The following PDE7B variants were observed in gnomAD, a reference collection of about 807,000 sequenced individuals.
PDE7B encodes phosphodiesterase 7B, also known as 3',5'-cyclic-AMP phosphodiesterase 7B.
Under a neutral mutation model 56.2 loss-of-function variants are expected in PDE7B, and 29 were observed. That is an observed-to-expected ratio of 0.52 (90% CI 0.38 to 0.70). The LOEUF is 0.70. PDE7B is among the 30% of genes least tolerant of loss of function. The probability of loss-of-function intolerance (pLI) is 0.00; values close to 1 mark genes in which losing one functional copy is unlikely to be tolerated. For synonymous variants in PDE7B, 197 were observed against 196.9 expected, an observed-to-expected ratio of 1.00 and a Z score of 0.00; for missense variants, 490 against 565.0, an observed-to-expected ratio of 0.87 and a Z score of 1.35.
At chr6:136,004,718 G>A (rs1294070605) in intron 2 of PDE7B, among the ~76,000 whole-genome samples, 3 of 152,160 alleles carry the variant, frequency 2.0e-5, no homozygotes, top group Non-Finnish European at 4.4e-5. Flanking sequence ...ACAAACAAGT[G>A]GAAGAACATT....
chr6:136,096,071 C>T lies in PDE7B; in HGVS notation c.83-12660C>T, dbSNP rs574454899. The T allele has an allele frequency of 3.3e-5, 5 of 152,208 alleles. No individual in the cohort carries two copies. In the East Asian group the frequency reaches 7.7e-4, roughly 24 times the overall value. 9.4% of individuals were successfully genotyped at this position (152,208 alleles called of 1,614,324 possible). A position where few individuals can be genotyped will look rare whatever the true frequency, so the allele number is the denominator to read the frequency against. On this transcript the variant is annotated intron_variant, in intron 2 of 12. Coordinates refer to ENST00000308191, the MANE Select transcript of PDE7B (RefSeq NM_018945.4). ...ACAACACTTGGAGTTTAAAAGAATCCCAAGTGCCATGTTGGCACAGATGTC... is the reference window on the plus strand; with the variant it reads ...ACAACACTTGGAGTTTAAAAGAATCTCAAGTGCCATGTTGGCACAGATGTC...
At chr6:135,926,138 G>C (rs986525495) in intron 1 of PDE7B, among the ~76,000 whole-genome samples, 2 of 141,622 alleles carry the variant, frequency 1.4e-5, no homozygotes, top group Non-Finnish European at 3.0e-5. Context: ...CCAGGCTGCA[G>C]TGCAGTGGCG....
intron 1 of PDE7B, among the ~76,000 whole-genome samples, chr6:135,865,765 A>G (rs1003386036): frequency 1.3e-5 from 2 of 152,142 alleles, no homozygotes; most frequent in African/African-American, 4.8e-5. Context: ...CAGTGGTAAT[A>G]ACAATCTTGT....
intron 3 of PDE7B, among the ~76,000 whole-genome samples, chr6:136,121,799 A>G (rs1451187277): frequency 1.3e-5 from 2 of 152,188 alleles, no homozygotes; most frequent in Non-Finnish European, 2.9e-5. Flanking sequence ...GCATTCAAAA[A>G]AAGACCAGGT....
chr6:136,143,357 A>G (rs951815304), intron 3 of PDE7B, among the ~76,000 whole-genome samples: 16 of 151,378 alleles, frequency 1.1e-4, no homozygotes, highest in Non-Finnish European at 1.5e-5. Context: ...TGTCTATTAT[A>G]TTTTTTTTAT....
chr6:136,157,524 G>A (rs972838715), intron 8 of PDE7B, among the ~76,000 whole-genome samples: 2 of 152,200 alleles, frequency 1.3e-5, no homozygotes, highest in Admixed American at 6.5e-5. Flanking sequence ...GTTGAAGTGA[G>A]CCAAGATGGC....
At chr6:136,122,082 G>T (rs924700960) in intron 3 of PDE7B, among the ~76,000 whole-genome samples, 2 of 151,738 alleles carry the variant, frequency 1.3e-5, no homozygotes, top group African/African-American at 2.4e-5. Flanking sequence ...TGCAAGCTCC[G>T]CCTCCCGGGT....
chr6:136,048,290 G>A (rs1055365113), intron 2 of PDE7B, among the ~76,000 whole-genome samples: 8 of 152,262 alleles, frequency 5.3e-5, no homozygotes, highest in South Asian at 2.1e-4. Context: ...TTGGGAGGCC[G>A]AGGCAGGTGG....
chr6:136,096,257 C>T (rs1777469828), intron 2 of PDE7B: 1 of 152,184 alleles, frequency 6.6e-6, no homozygotes, highest in Non-Finnish European at 1.5e-5. Context: ...TGATCAGCAA[C>T]ATCTTTTCTT....
intron 2 of PDE7B, among the ~76,000 whole-genome samples, chr6:136,048,396 C>T (rs541172639): frequency 4.6e-5 from 7 of 152,198 alleles, no homozygotes; most frequent in Non-Finnish European, 8.8e-5. Context: ...GTGGTGGGTG[C>T]CTGTAACCCA....
chr6:136,165,064 G>A (rs143526696), intron 8 of PDE7B, among the ~76,000 whole-genome samples: 1 of 152,196 alleles, frequency 6.6e-6, no homozygotes, highest in Non-Finnish European at 1.5e-5. Flanking sequence ...TGTGAGGAAA[G>A]TATAGTTTTT....
chr6:135,853,524 A>T (rs573733339), intron 1 of PDE7B, among the ~76,000 whole-genome samples: 1 of 152,254 alleles, frequency 6.6e-6, no homozygotes. Context: ...GTCTTGATTG[A>T]CATTTTCTCC....
chr6:136,083,957 C>T (rs563625410), intron 2 of PDE7B, among the ~76,000 whole-genome samples: 2 of 152,294 alleles, frequency 1.3e-5, no homozygotes, highest in South Asian at 4.1e-4. Flanking sequence ...TGCCTGTACT[C>T]ACTGAAATTT....
chr6:135,950,980 A>T (rs145393476), intron 2 of PDE7B, among the ~76,000 whole-genome samples: 79 of 152,300 alleles, frequency 5.2e-4, no homozygotes, highest in African/African-American at 1.6e-3. Context: ...TGAGTCTTGC[A>T]GGGAATTATT....
At position 136,178,991 on chromosome 6, in the gene PDE7B, A is replaced by G. The variant is rs538897188; in HGVS notation, c.804-6A>G. 3.3e-5 allele frequency: 54 copies of G among 1,614,062 alleles called. No individual in the cohort carries two copies. The highest frequency in any genetic ancestry group is 1.7e-4 in the Middle Eastern group (1 of 6,060). On this transcript the variant is annotated splice_region_variant and splice_polypyrimidine_tract_variant and intron_variant, in intron 9 of 12. Transcript: ENST00000308191. ...GTGTTTTTCTCTTTCATTCTTGTGGATGCAGACAGGATATTGAACAGCAGC... is the reference window on the plus strand; with the variant it reads ...GTGTTTTTCTCTTTCATTCTTGTGGGTGCAGACAGGATATTGAACAGCAGC...
At chr6:136,171,947 T>C (rs1368813790) in intron 8 of PDE7B, among the ~76,000 whole-genome samples, 1 of 152,000 alleles carries the variant, frequency 6.6e-6, no homozygotes, top group African/African-American at 2.4e-5. Context: ...TTCACCCATG[T>C]CCCTACAAAG....
At chr6:136,099,255 T>C (rs1043213146) in intron 2 of PDE7B, among the ~76,000 whole-genome samples, 4 of 152,240 alleles carry the variant, frequency 2.6e-5, no homozygotes, top group Non-Finnish European at 5.9e-5. Context: ...TGTGTCTTTA[T>C]AGCAGCATGA....
chr6:135,947,319 G>A, intron 1 of PDE7B, 145 bp from the exon 2 acceptor site: 1 of 668,234 alleles, frequency 1.5e-6, no homozygotes, highest in East Asian at 2.7e-5. Context: ...GCAAGTCTCT[G>A]CTCATGACAT....
At chr6:135,895,945 T>G (rs2128190853) in intron 1 of PDE7B, among the ~76,000 whole-genome samples, 1 of 152,276 alleles carries the variant, frequency 6.6e-6, no homozygotes, top group African/African-American at 2.4e-5. Context: ...CCCCAAGGGT[T>G]CCTTCTTCTT....
Sources: gnomAD v4.1 joint callset for allele counts (sites outside exome capture counted in the v4.1 genomes callset) on GRCh38, gnomAD v4.1.1 for gene constraint, MANE v1.5 for transcripts, NCBI Gene and HGNC (gene_info 2026-07-23, HGNC 2026-07-21) for gene names.